CBFA2T3: variants seen among roughly 807,000 people sequenced by gnomAD.
CBFA2T3 encodes the protein CBFA2/RUNX1 partner transcriptional co-repressor 3, also known as transcriptional corepressor CBFA2T3.
Under a neutral mutation model 58.6 loss-of-function variants are expected in CBFA2T3, and 31 were observed. That is an observed-to-expected ratio of 0.53 (90% CI 0.40 to 0.71). The LOEUF (loss-of-function observed/expected upper bound fraction) is 0.71, where lower values mean the gene tolerates loss of function less well. Ranked by LOEUF, CBFA2T3 falls within the 30% of genes least tolerant of loss-of-function variation. The probability of loss-of-function intolerance (pLI) is 0.00; values close to 1 mark genes in which losing one functional copy is unlikely to be tolerated. For synonymous variants in CBFA2T3, 531 were observed against 421.9 expected, an observed-to-expected ratio of 1.26 and a Z score of -3.17; for missense variants, 1,076 against 963.1, an observed-to-expected ratio of 1.12 and a Z score of -1.55.
At chr16:88,903,234 C>T (rs1970169593) in intron 1 of CBFA2T3, among the ~76,000 whole-genome samples, 2 of 152,240 alleles carry the variant, frequency 1.3e-5, no homozygotes, top group South Asian at 4.1e-4. Context: ...CAAACCTCTG[C>T]TGATCCTCTT....
At chr16:88,924,194 G>A (rs369048104) in intron 1 of CBFA2T3, among the ~76,000 whole-genome samples, 52 of 152,340 alleles carry the variant, frequency 3.4e-4, no homozygotes, top group African/African-American at 1.3e-3. Context: ...TACACCTGCT[G>A]GGCTGAGTCC....
At chr16:88,900,074 G>A (rs1970040334) in intron 2 of CBFA2T3, among the ~76,000 whole-genome samples, 1 of 152,252 alleles carries the variant, frequency 6.6e-6, no homozygotes, top group South Asian at 2.1e-4. Flanking sequence ...CAGCTCCGCA[G>A]AGCCAGGACC....
intron 1 of CBFA2T3, among the ~76,000 whole-genome samples, chr16:88,943,992 G>T (rs904116767): frequency 6.6e-6 from 1 of 152,134 alleles, no homozygotes; most frequent in Non-Finnish European, 1.5e-5. Context: ...GTGTGCCCAT[G>T]GAGCTCCCAG....
rs61704959 is a variant in CBFA2T3 at position 88,944,505 on chromosome 16, C to T, written c.151+32152G>A. ...GGCCCGCGGCGCACAGCGGGGCAGC[C>T]CCAGCTTTGCTGACCTGTGCTGGGT... is the stretch of plus-strand genomic sequence containing the variant. On this transcript the variant is annotated intron_variant, in intron 1 of 11. Coordinates refer to ENST00000268679, the MANE Select transcript of CBFA2T3 (RefSeq NM_005187.6). Among the ~76,000 whole-genome samples the T allele has an allele frequency of 3.4e-3, 513 of 152,294 alleles. 2 individuals carry two copies. The highest frequency in any genetic ancestry group is 0.012 in the African/African-American group (479 of 41,556).
intron 1 of CBFA2T3, among the ~76,000 whole-genome samples, chr16:88,950,018 G>T (rs1325705060): frequency 6.6e-6 from 1 of 151,240 alleles, no homozygotes; most frequent in Non-Finnish European, 1.5e-5. Flanking sequence ...AAAAAGAAAA[G>T]AAAACGAAGG....
In CBFA2T3 at chr16:88,898,717, A is replaced by G. The variant is rs555533151; in HGVS notation, c.305-565T>C. Among the ~76,000 whole-genome samples, 49 of 152,326 alleles carry G rather than the reference A, an allele frequency of 3.2e-4. No homozygotes were observed. In the South Asian group the frequency reaches 7.9e-3, roughly 24 times the overall value. On this transcript the variant is annotated intron_variant, in intron 2 of 11. Coordinates refer to ENST00000268679, the MANE Select transcript of CBFA2T3 (RefSeq NM_005187.6). ...GCCCTGGGTCGGCACTGGAGGAGGA[A>G]GCACCAAACAGGAAGAAAGATTCGG... is the stretch of plus-strand genomic sequence containing the variant.
chr16:88,911,165 C>T (rs1158793135), intron 1 of CBFA2T3, among the ~76,000 whole-genome samples: 1 of 152,276 alleles, frequency 6.6e-6, no homozygotes, highest in Non-Finnish European at 1.5e-5. Context: ...GCGGACCCTT[C>T]CTCTGGCCCC....
intron 1 of CBFA2T3, among the ~76,000 whole-genome samples, chr16:88,949,912 A>G (rs1283253467): frequency 6.6e-6 from 1 of 152,134 alleles, no homozygotes; most frequent in African/African-American, 2.4e-5. Flanking sequence ...GGGGAGGCTG[A>G]GGCAGGAGAA....
intron 1 of CBFA2T3, among the ~76,000 whole-genome samples, chr16:88,926,791 C>T (rs954116172): frequency 1.5e-4 from 23 of 152,362 alleles, no homozygotes; most frequent in African/African-American, 5.5e-4. Context: ...CTGGATTGGG[C>T]TGGTGCCTCG....
chr16:88,946,759 A>T (rs536017725), intron 1 of CBFA2T3, among the ~76,000 whole-genome samples: 109 of 151,982 alleles, frequency 7.2e-4, no homozygotes, highest in African/African-American at 2.3e-3. Flanking sequence ...GGGATTACAG[A>T]CACGAGCCAC....
At chr16:88,917,582 T>A (rs1970777837) in intron 1 of CBFA2T3, among the ~76,000 whole-genome samples, 1 of 152,198 alleles carries the variant, frequency 6.6e-6, no homozygotes, top group South Asian at 2.1e-4. Context: ...TAAAAAAATG[T>A]GTGAATTGGC....
intron 1 of CBFA2T3, among the ~76,000 whole-genome samples, chr16:88,956,829 C>T (rs1972231647): frequency 6.6e-6 from 1 of 152,218 alleles, no homozygotes; most frequent in Non-Finnish European, 1.5e-5. Flanking sequence ...TGTGCCTTCT[C>T]CAGGTGGCGT....
chr16:88,881,711 G>A (rs1969090399), intron 8 of CBFA2T3: 2 of 508,830 alleles, frequency 3.9e-6, no homozygotes, highest in Non-Finnish European at 7.0e-6. Context: ...ACATGGACAC[G>A]TGCCTAGACG....
chr16:88,894,454 G>A lies in CBFA2T3; in HGVS notation c.380-1969C>T, dbSNP rs113664199. On this transcript the variant is annotated intron_variant, in intron 3 of 11. Transcript: ENST00000268679. ...ATGCACACAATGTACACACATGCAC[G>A]CACACATGCATACATATACACATGC... is the stretch of plus-strand genomic sequence containing the variant. Among the ~76,000 whole-genome samples, 65 of 62,528 alleles carry A rather than the reference G, an allele frequency of 1.0e-3. 9 individuals are homozygous for A. The highest frequency in any genetic ancestry group is 4.8e-3 in the African/African-American group (50 of 10,504). The allele number at this position is 62,528 out of a possible 152,430, so 41.0% of individuals were successfully genotyped here.
At chr16:88,882,873 G>A in intron 7 of CBFA2T3, 112 bp from the exon 8 acceptor site, 2 of 747,058 alleles carry the variant, frequency 2.7e-6, no homozygotes, top group Non-Finnish European at 4.6e-6. Context: ...TGCCCGCTGG[G>A]GACGATGGAC....
intron 1 of CBFA2T3, among the ~76,000 whole-genome samples, chr16:88,911,691 C>G (rs1043802996): frequency 6.6e-6 from 1 of 152,280 alleles, no homozygotes; most frequent in South Asian, 2.1e-4. Flanking sequence ...AACAGAGCGC[C>G]TGGCCGCTCG....
At chr16:88,927,924 C>T (rs565103783) in intron 1 of CBFA2T3, among the ~76,000 whole-genome samples, 11 of 152,340 alleles carry the variant, frequency 7.2e-5, no homozygotes, top group Non-Finnish European at 5.9e-5. Context: ...GATGCTGACA[C>T]GGGCAACCCT....
intron 1 of CBFA2T3, among the ~76,000 whole-genome samples, chr16:88,921,338 G>C (rs1970912547): frequency 6.7e-6 from 1 of 149,230 alleles, no homozygotes; most frequent in South Asian, 2.1e-4. Context: ...AGGATGGGCG[G>C]GGGGAGCAGG....
At chr16:88,931,696 G>A (rs1183096256) in intron 1 of CBFA2T3, among the ~76,000 whole-genome samples, 1 of 152,170 alleles carries the variant, frequency 6.6e-6, no homozygotes, top group Non-Finnish European at 1.5e-5. Flanking sequence ...GGGGGCACTG[G>A]CCTGCAGCTC....
Sources: allele counts gnomAD v4.1 joint callset (sites outside exome capture counted in the v4.1 genomes callset), GRCh38; gene constraint gnomAD v4.1.1; transcripts MANE v1.5; gene names NCBI Gene and HGNC (gene_info 2026-07-23, HGNC 2026-07-21).